The following HSPG2 variants were observed in gnomAD, a reference collection of about 807,000 sequenced individuals.
The protein encoded by HSPG2 is basement membrane-specific heparan sulfate proteoglycan core protein.
In HSPG2, 278 loss-of-function variants were observed where a neutral mutation model predicts 526.6. The ratio of observed to expected loss-of-function variants is 0.53; its 90% CI spans 0.48 to 0.58. The LOEUF is 0.58. HSPG2 is among the 20% of genes least tolerant of loss of function. The pLI is 0.00. For missense variants in HSPG2, 5,354 were observed against 6,099.5 expected, an observed-to-expected ratio of 0.88 and a Z score of 4.07; for synonymous variants, 2,465 against 2,555.4, an observed-to-expected ratio of 0.96 and a Z score of 1.07.
At chr1:21,849,069 G>A (rs1181176499) in intron 57 of HSPG2, 38 bp from the exon 58 acceptor site, 13 of 1,606,482 alleles carry the variant, frequency 8.1e-6, no homozygotes, top group South Asian at 1.1e-5. Flanking sequence ...GCTCAGAGCT[G>A]GGCACTGCGG....
At position 21,824,193 on chromosome 1, in the gene HSPG2, C is replaced by T. The variant is rs934753147; in HGVS notation, c.12827G>A (p.Gly4276Asp). 2 of 1,613,708 alleles carry T rather than the reference C, an allele frequency of 1.2e-6. No homozygotes were observed. The highest frequency in any genetic ancestry group is 8.5e-7 in the Non-Finnish European group (1 of 1,180,036). The change falls in exon 95 of 97, where the codon GGT becomes GAT. Residue 4276 changes from glycine to aspartate, a missense_variant. Transcript: ENST00000374695. The surrounding 1 kb of genome is among the most constrained non-coding windows in gnomAD (Gnocchi z 5.9). ...DGHLVFRYQL[G>D]SGEARLVSED... ...AGAGACCAGGCGGGCCTCCCCACTA[C>T]CCAGCTGGTACCTGCAGTCATCCAG...
Position 21,839,920 on chromosome 1 carries a change from G to T in HSPG2, c.9611C>A (p.Thr3204Lys). The change falls in exon 72 of 97, where the codon ACG (threonine) becomes AAG (lysine). Residue 3204 changes from threonine (T) to lysine (K), a missense_variant. Thr to Lys is a moderately conservative substitution (Grantham distance 78). Coordinates refer to ENST00000374695, the MANE Select transcript of HSPG2 (RefSeq NM_005529.7). The surrounding 1 kb of genome is among the most constrained non-coding windows in gnomAD (Gnocchi z 4.5). ...AGGGGCCCCTGGGGCCATGGCGCCC[G>T]TGTCCACGATCACCTCCACCTGCTT... ...AQKQVEVIVDTGAMAPGAPQV... is the reference protein window; with the variant it reads ...AQKQVEVIVDKGAMAPGAPQV... 2 of 1,614,132 alleles carry T rather than the reference G, an allele frequency of 1.2e-6. No individual in the cohort carries two copies. Among genetic ancestry groups the T allele is most frequent in the South Asian group, 2.2e-5 (2 of 91,086 alleles).
intron 86 of HSPG2, 86 bp downstream of exon 86, chr1:21,829,907 A>T: frequency 9.2e-7 from 1 of 1,089,762 alleles, no homozygotes; most frequent in Non-Finnish European, 1.4e-6. Flanking sequence ...TATCATCCGT[A>T]GGGCCCATCA....
chr1:21,907,613 G>A (rs1336766868), intron 1 of HSPG2, among the ~76,000 whole-genome samples: 1 of 152,154 alleles, frequency 6.6e-6, no homozygotes, highest in Non-Finnish European at 1.5e-5. Context: ...AGCCTCCTAG[G>A]CTCAAGATAT....
At chr1:21,843,521 G>C (rs1216113711) in intron 65 of HSPG2, 83 bp from the exon 66 acceptor site, 4 of 1,436,922 alleles carry the variant, frequency 2.8e-6, no homozygotes, top group Non-Finnish European at 3.8e-6. Flanking sequence ...CCCTGGGACT[G>C]CCATGCACAG....
rs750362791 is a variant in HSPG2, at chr1:21,859,851, G to A, written c.5166C>T (p.Thr1722=). The A allele has an allele frequency of 2.0e-5, 32 of 1,611,290 alleles. No individual in the cohort carries two copies. Among genetic ancestry groups the A allele is most frequent in the Non-Finnish European group, 2.7e-5 (32 of 1,179,658 alleles). ...REDGRPVPSG[T]QQRHQGSELH... ...CATGGGTACCTTGATGTCGCTGCTG[G>A]GTGCCGCTGGGCACAGGCCGCCCAT... The change falls in exon 41 of 97, where the codon ACC becomes ACT. Residue 1722 remains threonine (T), a synonymous_variant. Coordinates refer to ENST00000374695, the MANE Select transcript of HSPG2 (RefSeq NM_005529.7). The surrounding 1 kb of genome is among the most constrained non-coding windows in gnomAD (Gnocchi z 5.3).
chr1:21,863,532 C>T (rs1639990386), intron 37 of HSPG2, among the ~76,000 whole-genome samples: 1 of 152,100 alleles, frequency 6.6e-6, no homozygotes. Flanking sequence ...TGCCCCTTCA[C>T]TGCGTACCCT....
Position 21,864,341 on chromosome 1 carries a change from T to G in HSPG2, c.4627-128A>C. 3 of 757,952 alleles carry G rather than the reference T, an allele frequency of 4.0e-6. No homozygotes were observed. The highest frequency in any genetic ancestry group is 4.7e-6 in the Non-Finnish European group (2 of 428,450). 47.0% of individuals were successfully genotyped at this position (757,952 alleles called of 1,614,324 possible). A position where few individuals can be genotyped will look rare whatever the true frequency, so the allele number is the denominator to read the frequency against. On this transcript the variant is annotated intron_variant, in intron 36 of 96. Coordinates refer to ENST00000374695, the MANE Select transcript of HSPG2 (RefSeq NM_005529.7). The surrounding 1 kb of genome is among the most constrained non-coding windows in gnomAD (Gnocchi z 4.8). The stretch of plus-strand genomic sequence containing the variant: ...GAACATCACAGGCCGGCGCCCCTCC[T>G]TCCCCACTTCTGCTCAGTCTGTCCT...
chr1:21,915,101 G>A (rs1195831408), intron 1 of HSPG2, among the ~76,000 whole-genome samples: 7 of 152,164 alleles, frequency 4.6e-5, no homozygotes, highest in Non-Finnish European at 1.0e-4. Context: ...GGGTGCCAGC[G>A]GGCCAGCCCT....
chr1:21,896,939 G>C (rs139555893), intron 1 of HSPG2, among the ~76,000 whole-genome samples: 3 of 152,310 alleles, frequency 2.0e-5, no homozygotes, highest in African/African-American at 7.2e-5. Context: ...CCAGCAGCGC[G>C]GAGGCAGAGC....
rs775085660 is a variant in HSPG2 at position 21,841,561 on chromosome 1, A to G, written c.9306T>C (p.Ser3102=). The G allele has an allele frequency of 6.2e-7, 1 of 1,614,068 alleles. No homozygotes were observed. The highest frequency in any genetic ancestry group is 1.1e-5 in the South Asian group (1 of 91,078). ...VASNAYGVAQ[S]VVNLSVHGPP... is the part of the protein sequence containing the mutation. Reference sequence around the variant, plus strand: ...CACCGTGCACACTGAGGTTCACCACACTCTGGGCCACACCGTAGGCATTGG... The same window carrying G: ...CACCGTGCACACTGAGGTTCACCACGCTCTGGGCCACACCGTAGGCATTGG... The change falls in exon 70 of 97, where the codon AGT becomes AGC. Residue 3102 remains serine, a synonymous_variant. Transcript: ENST00000374695.
intron 1 of HSPG2, among the ~76,000 whole-genome samples, chr1:21,896,875 G>A (rs1642788703): frequency 1.3e-5 from 2 of 152,232 alleles, no homozygotes; most frequent in African/African-American, 4.8e-5. Flanking sequence ...ATTCCACTGT[G>A]TTGGAGAATT....
intron 33 of HSPG2, among the ~76,000 whole-genome samples, chr1:21,866,744 C>T (rs1350744209): frequency 6.6e-6 from 1 of 152,224 alleles, no homozygotes; most frequent in Admixed American, 6.5e-5. Flanking sequence ...GCTTTCTCTC[C>T]TCTGCCACCA....
In HSPG2 at chr1:21,848,719, T is replaced by G. The variant is rs1350676531; in HGVS notation, c.7661A>C (p.Asn2554Thr). 1.9e-6 allele frequency: 3 copies of G among 1,613,364 alleles called. No individual in the cohort carries two copies. The South Asian group carries it at 3.3e-5, about 18-fold the overall frequency. The change falls in exon 59 of 97, where the codon AAC becomes ACC. Residue 2554 changes from asparagine (N) to threonine (T), a missense_variant. Asn to Thr is a moderately conservative substitution (Grantham distance 65). Coordinates refer to ENST00000374695, the MANE Select transcript of HSPG2 (RefSeq NM_005529.7). The surrounding 1 kb of genome is among the most constrained non-coding windows in gnomAD (Gnocchi z 4.9). ...GGGAGCCTGGCTGGCAACCAGGCAG[T>G]TGAGGTCCAGGGTGTGTCCATTGGC... ...SLANGHTLDL[N>T]CLVASQAPHT...
In HSPG2 at chr1:21,824,416, G is replaced by A. The variant is rs769610711; in HGVS notation, c.12745-40C>T. On this transcript the variant is annotated intron_variant, in intron 93 of 96. Coordinates refer to ENST00000374695, the MANE Select transcript of HSPG2 (RefSeq NM_005529.7). This position sits in a 1 kb window ranked among gnomAD's most constrained non-coding sequence, Gnocchi z 5.9. ...CAGGGTCTCTGGGGTCCCCAGCCTG[G>A]AGAGCAGAGGCTGCCGAGGCCAGGG... 36 of 1,610,490 alleles carry A rather than the reference G, an allele frequency of 2.2e-5. No homozygotes were observed. In the Admixed American group the frequency reaches 3.0e-4, roughly 13 times the overall value.
intron 1 of HSPG2, among the ~76,000 whole-genome samples, chr1:21,919,664 C>T (rs938634676): frequency 6.6e-6 from 1 of 151,816 alleles, no homozygotes; most frequent in Non-Finnish European, 1.5e-5. Flanking sequence ...CCAGCTTTAA[C>T]GAGCACATGA....
chr1:21,823,458 C>G lies in HSPG2; in HGVS notation c.13034G>C (p.Gly4345Ala). 1 of 1,596,074 alleles carries G rather than the reference C, an allele frequency of 6.3e-7. No homozygotes were observed. Among genetic ancestry groups the G allele is most frequent in the Non-Finnish European group, 8.5e-7 (1 of 1,175,586 alleles). Reference protein sequence around the residue: ...GGAPDVATLTGGRFSSGITGC... With the variant: ...GGAPDVATLTAGRFSSGITGC... The stretch of plus-strand genomic sequence containing the variant: ...TGTGATGCCTGAGGAGAATCTGCCC[C>G]CGGTCAGCGTGGCCACGTCAGGGGC... The change falls in exon 97 of 97, where the codon GGG becomes GCG. Residue 4345 changes from glycine (G) to alanine (A), a missense_variant. Coordinates refer to ENST00000374695, the MANE Select transcript of HSPG2 (RefSeq NM_005529.7).
chr1:21,843,372 C>T lies in HSPG2; in HGVS notation c.8683G>A (p.Val2895Met). The change falls in exon 66 of 97, where the codon GTG (valine) becomes ATG (methionine). Residue 2895 changes from valine (V) to methionine (M), a missense_variant. Physicochemically the swap from Val to Met is conservative, Grantham distance 21 (BLOSUM62 1). Transcript: ENST00000374695. ...PADSGEYSCQ[V>M]TGSSGTLEAS... ...TCCAGGGTGCCTGAGCTTCCGGTCA[C>T]TTGGCACGAGTACTCGCCAGAGTCA... is the stretch of plus-strand genomic sequence containing the variant. The T allele has an allele frequency of 6.2e-7, 1 of 1,614,120 alleles. No homozygotes were observed. The highest frequency in any genetic ancestry group is 8.5e-7 in the Non-Finnish European group (1 of 1,180,018).
rs1392192423 is a variant in HSPG2, at chr1:21,874,465, C to G, written c.3597G>C (p.Gln1199His). Reference protein sequence around the residue: ...QCQPGYYGDAQRGTPQDCQLC... With the variant: ...QCQPGYYGDAHRGTPQDCQLC... ...GCTGGCAGTCCTGTGGTGTCCCCCG[C>G]TGGGCGTCCCCGTAGTATCCTGGCT... The change falls in exon 28 of 97, where the codon CAG becomes CAC. Residue 1199 changes from glutamine to histidine, a missense_variant. Gln to His is a conservative substitution (Grantham distance 24). Transcript: ENST00000374695. 6.2e-7 allele frequency: 1 copy of G among 1,612,284 alleles called. No homozygotes were observed. The highest frequency in any genetic ancestry group is 8.5e-7 in the Non-Finnish European group (1 of 1,179,982).
Sources: allele counts gnomAD v4.1 joint callset (sites outside exome capture counted in the v4.1 genomes callset), GRCh38; gene constraint gnomAD v4.1.1; non-coding constraint Gnocchi (gnomAD v3.1); transcripts MANE v1.5; gene names NCBI Gene and HGNC (gene_info 2026-07-23, HGNC 2026-07-21).